Variants in NRXN3 observed in about 807,000 individuals in gnomAD.
The protein encoded by NRXN3 is neurexin 3.
A neutral mutation model predicts 137.6 loss-of-function variants in NRXN3; 32 were observed. The observed-to-expected ratio is 0.23, with a 90% CI of 0.18 to 0.31. The LOEUF is 0.31. Ranked by LOEUF, NRXN3 falls within the 10% of genes least tolerant of loss-of-function variation. The pLI, the probability that NRXN3 is intolerant of heterozygous loss-of-function variation, is 1.00. For synonymous variants in NRXN3, 798 were observed against 784.5 expected (o/e 1.02, Z -0.29); for missense variants, 1,574 against 2,062.5 (o/e 0.76, Z 4.59).
intron 15 of NRXN3, among the ~76,000 whole-genome samples, chr14:79,428,151 C>A (rs888891920): frequency 4.6e-5 from 7 of 152,138 alleles, no homozygotes; most frequent in Non-Finnish European, 1.0e-4. Context: ...CATCTTCATT[C>A]GCTCCTTCAT....
chr14:79,024,430 A>C (rs2099594868), intron 15 of NRXN3, among the ~76,000 whole-genome samples: 1 of 152,136 alleles, frequency 6.6e-6, no homozygotes, highest in South Asian at 2.1e-4. Context: ...ACAGCTGATG[A>C]CTCTGTGATA....
chr14:79,859,502 A>C (rs2141920843), intron 20 of NRXN3, among the ~76,000 whole-genome samples: 1 of 152,288 alleles, frequency 6.6e-6, no homozygotes, highest in African/African-American at 2.4e-5. Flanking sequence ...ATTCAAAAGG[A>C]GAGTTTTAAT....
intron 19 of NRXN3, among the ~76,000 whole-genome samples, chr14:79,766,423 T>A (rs2099056175): frequency 6.6e-6 from 1 of 152,208 alleles, no homozygotes; most frequent in South Asian, 2.1e-4. Flanking sequence ...TTATTTCTTT[T>A]TTCAAAAAGC....
chr14:79,234,127 G>A (rs1269449648), intron 15 of NRXN3, among the ~76,000 whole-genome samples: 1 of 150,342 alleles, frequency 6.7e-6, no homozygotes, highest in Non-Finnish European at 1.5e-5. Flanking sequence ...TGCTTACTGG[G>A]GCTGCACCTT....
chr14:79,375,080 T>A (rs961998047), intron 15 of NRXN3, among the ~76,000 whole-genome samples: 3 of 152,096 alleles, frequency 2.0e-5, no homozygotes, highest in Non-Finnish European at 4.4e-5. Flanking sequence ...GATTAAAAAA[T>A]GGATGTGAGC....
intron 4 of NRXN3, among the ~76,000 whole-genome samples, chr14:78,504,784 T>A (rs2095951860): frequency 6.6e-6 from 1 of 152,134 alleles, no homozygotes. Flanking sequence ...GTGCTTTCAG[T>A]GCTTAACGTA....
chr14:79,780,483 C>T (rs1568228004), intron 19 of NRXN3, among the ~76,000 whole-genome samples: 1 of 151,104 alleles, frequency 6.6e-6, no homozygotes, highest in Admixed American at 6.6e-5. Flanking sequence ...GTGGTGGGTG[C>T]CTGTAATCCC....
chr14:79,137,469 T>C lies in NRXN3; in HGVS notation c.3262+149328T>C, dbSNP rs550749827. ...AAAAACCTGAGACATAAACAATGTC[T>C]AGAATTGTGGGCAATCATGCAGAGC... On this transcript the variant is annotated intron_variant, in intron 15 of 20. Transcript: ENST00000335750. Among the ~76,000 whole-genome samples the C allele has an allele frequency of 2.8e-3, 428 of 152,132 alleles. 4 individuals are homozygous for C. The highest frequency in any genetic ancestry group is 3.5e-3 in the Non-Finnish European group (236 of 68,010).
rs72690734 is a variant in NRXN3, at chr14:79,461,911, C to T, written c.3263-5310C>T. Among the ~76,000 whole-genome samples, 1,136 of 152,208 alleles carry T rather than the reference C, an allele frequency of 7.5e-3. 9 individuals carry two copies. The highest frequency in any genetic ancestry group is 0.014 in the Middle Eastern group (4 of 294). ...ACCATTATGAGATTTTATACTAAGT[C>T]CTGAGGCAATGATCAAAGAGAACTA... On this transcript the variant is annotated intron_variant, in intron 15 of 20. Coordinates refer to ENST00000335750, the MANE Select transcript of NRXN3 (RefSeq NM_001330195.2).
At chr14:78,664,100 A>C (rs75459555) in intron 6 of NRXN3, among the ~76,000 whole-genome samples, 1 of 152,344 alleles carries the variant, frequency 6.6e-6, no homozygotes, top group East Asian at 1.9e-4. Context: ...GATGCAGCTT[A>C]GGGCAGCAAC....
At chr14:79,098,771 T>G (rs1238816053) in intron 15 of NRXN3, among the ~76,000 whole-genome samples, 1 of 152,112 alleles carries the variant, frequency 6.6e-6, no homozygotes, top group Admixed American at 6.6e-5. Flanking sequence ...TCCTGACCAG[T>G]GATAAGACAA....
chr14:78,903,094 T>G (rs951717415), intron 10 of NRXN3, among the ~76,000 whole-genome samples: 9 of 151,758 alleles, frequency 5.9e-5, no homozygotes, highest in African/African-American at 1.7e-4. Flanking sequence ...GGTCATTCCC[T>G]TTCTCTTCTC....
At chr14:79,727,977 A>T (rs1421360292) in intron 19 of NRXN3, among the ~76,000 whole-genome samples, 3 of 152,116 alleles carry the variant, frequency 2.0e-5, no homozygotes, top group African/African-American at 7.2e-5. Flanking sequence ...TCTGCAAGGC[A>T]CCTCTTGGCA....
chr14:79,381,078 C>A (rs1381982724), intron 15 of NRXN3, among the ~76,000 whole-genome samples: 1 of 151,932 alleles, frequency 6.6e-6, no homozygotes, highest in Non-Finnish European at 1.5e-5. Flanking sequence ...ATTAATGTGT[C>A]AACAGTGTGC....
At chr14:79,528,658 TAAAA>T (rs34298385) in intron 16 of NRXN3, among the ~76,000 whole-genome samples, 1 of 150,810 alleles carries the variant, frequency 6.6e-6, no homozygotes, top group Non-Finnish European at 1.5e-5. Flanking sequence ...ATGTGTATGG[TAAAA>T]AAAAAAAGTA....
chr14:78,662,290 G>C (rs939170020), intron 6 of NRXN3, among the ~76,000 whole-genome samples: 1 of 151,716 alleles, frequency 6.6e-6, no homozygotes, highest in Non-Finnish European at 1.5e-5. Context: ...CGTTAAGAAG[G>C]CTTAACTAAT....
At chr14:79,425,180 T>C (rs1051488387) in intron 15 of NRXN3, among the ~76,000 whole-genome samples, 4 of 152,184 alleles carry the variant, frequency 2.6e-5, no homozygotes, top group Admixed American at 6.5e-5. Flanking sequence ...TAAAACTCAG[T>C]TAATAGAATA....
intron 1 of NRXN3, among the ~76,000 whole-genome samples, chr14:78,175,745 T>G (rs1475391251): frequency 6.6e-6 from 1 of 152,162 alleles, no homozygotes; most frequent in East Asian, 1.9e-4. Flanking sequence ...CTCCCAGCCC[T>G]TTCCTGCAGG....
chr14:79,193,055 C>T (rs1195215216), intron 15 of NRXN3, among the ~76,000 whole-genome samples: 2 of 151,898 alleles, frequency 1.3e-5, no homozygotes, highest in East Asian at 3.9e-4. Flanking sequence ...AGGCGTGAGC[C>T]ACCACGCCTG....
Sources: allele counts gnomAD v4.1 joint callset (sites outside exome capture counted in the v4.1 genomes callset), GRCh38; gene constraint gnomAD v4.1.1; transcripts MANE v1.5; gene names NCBI Gene and HGNC (gene_info 2026-07-23, HGNC 2026-07-21).